Variants in PCTP observed in about 807,000 individuals in gnomAD.
The protein encoded by PCTP is phosphatidylcholine transfer protein, also known as START domain-containing protein 2.
PCTP carries 27 observed loss-of-function variants against 31.0 expected under a neutral mutation model. The ratio of observed to expected loss-of-function variants is 0.87; its 90% CI spans 0.64 to 1.20. The LOEUF (loss-of-function observed/expected upper bound fraction) is 1.20. Among genes scored for constraint, PCTP ranks in the 50% most tolerant of loss-of-function variants. The pLI, the probability that PCTP is intolerant of heterozygous loss-of-function variation, is 0.00. For missense variants in PCTP, 287 were observed against 268.2 expected, an observed-to-expected ratio of 1.07 and a Z score of -0.49; for synonymous variants, 108 against 101.2, an observed-to-expected ratio of 1.07 and a Z score of -0.40.
chr17:55,820,377 T>C (rs1169243863), intron 3 of PCTP, among the ~76,000 whole-genome samples: 1 of 152,286 alleles, frequency 6.6e-6, no homozygotes, highest in East Asian at 1.9e-4. Context: ...ACATTCAATA[T>C]CAAGGCACTA....
intron 1 of PCTP, chr17:55,751,447 G>T (rs936530491): frequency 6.5e-7 from 1 of 1,533,610 alleles, no homozygotes; most frequent in Non-Finnish European, 8.7e-7. Flanking sequence ...AGATCCAGGG[G>T]AGTTGGAAGG....
At chr17:55,846,597 T>C (rs892371140), downstream of PCTP, among the ~76,000 whole-genome samples, 11 of 152,224 alleles carry the variant, frequency 7.2e-5, no homozygotes, top group Admixed American at 4.6e-4. Context: ...GTACATCATG[T>C]GTAAGAACCA....
At chr17:55,756,575 T>C (rs1674559650) in intron 1 of PCTP, among the ~76,000 whole-genome samples, 1 of 152,202 alleles carries the variant, frequency 6.6e-6, no homozygotes, top group Admixed American at 6.5e-5. Context: ...TTAACTGGTC[T>C]AGGGTGGGGC....
intron 3 of PCTP, among the ~76,000 whole-genome samples, chr17:55,808,583 A>G (rs901286674): frequency 1.3e-5 from 2 of 152,212 alleles, no homozygotes; most frequent in African/African-American, 2.4e-5. Flanking sequence ...TGGCAAAACA[A>G]GGGTCACATC....
At chr17:55,826,231 G>A (rs1905390637), downstream of PCTP, among the ~76,000 whole-genome samples, 1 of 152,182 alleles carries the variant, frequency 6.6e-6, no homozygotes, top group Non-Finnish European at 1.5e-5. Flanking sequence ...AAAGGGCAGA[G>A]TTCAAGAACA....
At chr17:55,756,491 C>T (rs555978174) in intron 1 of PCTP, among the ~76,000 whole-genome samples, 3 of 152,152 alleles carry the variant, frequency 2.0e-5, no homozygotes, top group African/African-American at 7.2e-5. Flanking sequence ...GAGTGTTTCT[C>T]AAAGTTCAAG....
Position 55,774,822 on chromosome 17 carries a change from G to A in PCTP, c.542G>A (p.Gly181Asp), listed in dbSNP as rs771910955. 8 of 1,545,612 alleles carry A rather than the reference G, an allele frequency of 5.2e-6. No homozygotes were observed. The highest frequency in any genetic ancestry group is 2.2e-5 in the South Asian group (2 of 90,200). The change falls in exon 5 of 6, where the codon GGC (glycine) becomes GAC (aspartate). Residue 181 changes from glycine (G) to aspartate (D), a missense_variant. Gly to Asp is a moderately conservative substitution (Grantham distance 94). Coordinates refer to ENST00000268896, the MANE Select transcript of PCTP (RefSeq NM_021213.4). ...VFMYYFDNPG[G>D]QIPSWLINWA... ...ATGTATTACTTCGATAACCCGGGTG[G>A]CCAAATTCCGTCCTGGCTCATTAAC...
At position 55,776,618 on chromosome 17, in the gene PCTP, G is replaced by C; in HGVS notation, c.*518G>C. The C allele has an allele frequency of 8.1e-7, 1 of 1,230,634 alleles. No individual in the cohort carries two copies. Among genetic ancestry groups the C allele is most frequent in the Non-Finnish European group, 1.0e-6 (1 of 987,848 alleles). The allele number at this position is 1,230,634 out of a possible 1,614,324, so 76.2% of individuals were successfully genotyped here. A position where few individuals can be genotyped will look rare whatever the true frequency, so the allele number is the denominator to read the frequency against. On this transcript the variant is annotated 3_prime_UTR_variant, in exon 6 of 6. Coordinates refer to ENST00000268896, the MANE Select transcript of PCTP (RefSeq NM_021213.4). The stretch of plus-strand genomic sequence containing the variant: ...TTTCAGTGCACCCAAACTGGATGAC[G>C]TGCCAATGTCCATTTGCCTTATGCT...
chr17:55,844,660 G>A (rs1293585198), downstream of PCTP, among the ~76,000 whole-genome samples: 1 of 152,024 alleles, frequency 6.6e-6, no homozygotes, highest in Non-Finnish European at 1.5e-5. Flanking sequence ...CACCGACATA[G>A]AATCTAATCC....
chr17:55,779,769 G>A (rs145203471), downstream of PCTP, among the ~76,000 whole-genome samples: 8 of 152,266 alleles, frequency 5.3e-5, no homozygotes, highest in East Asian at 1.9e-4. Context: ...CTATTACTTT[G>A]AATCCTCTCC....
downstream of PCTP, among the ~76,000 whole-genome samples, chr17:55,824,451 T>A (rs1905331579): frequency 6.6e-6 from 1 of 152,200 alleles, no homozygotes; most frequent in Non-Finnish European, 1.5e-5. Context: ...TCAAATTAAT[T>A]AGTGCATGTC....
At chr17:55,777,940 A>G (rs1366991843), downstream of PCTP, among the ~76,000 whole-genome samples, 2 of 152,222 alleles carry the variant, frequency 1.3e-5, no homozygotes, top group Non-Finnish European at 2.9e-5. Context: ...CACTGAGATT[A>G]TAGTCACTGA....
chr17:55,784,894 T>A (rs1236830644), intron 2 of PCTP, among the ~76,000 whole-genome samples: 1 of 152,262 alleles, frequency 6.6e-6, no homozygotes, highest in East Asian at 1.9e-4. Flanking sequence ...TAGTCTTTTA[T>A]CTGTTCCTCA....
intron 5 of PCTP, 115 bp downstream of exon 5, chr17:55,774,974 G>T (rs569045346): frequency 8.6e-7 from 1 of 1,165,782 alleles, no homozygotes; most frequent in Non-Finnish European, 1.3e-6. Flanking sequence ...GCGTAATGAG[G>T]CTCTTTTATG....
intron 1 of PCTP, among the ~76,000 whole-genome samples, chr17:55,764,663 C>T (rs1910541250): frequency 6.6e-6 from 1 of 152,098 alleles, no homozygotes. Context: ...ATGTATTTAT[C>T]CCTAGGTTAT....
At chr17:55,849,816 T>A in the PCTP span, among the ~76,000 whole-genome samples, 4 of 151,980 alleles carry the variant, frequency 2.6e-5, no homozygotes, top group Admixed American at 1.3e-4. Flanking sequence ...ATTCAAAAAT[T>A]CAAAAAATTT....
chr17:55,827,693 G>A (rs980508742), downstream of PCTP, among the ~76,000 whole-genome samples: 3 of 152,190 alleles, frequency 2.0e-5, no homozygotes, highest in Non-Finnish European at 4.4e-5. Flanking sequence ...GGGGTTAGAG[G>A]GGTTAGAGCA....
At chr17:55,839,907 G>A (rs967822973) in intron 5 of PCTP, among the ~76,000 whole-genome samples, 3 of 92,054 alleles carry the variant, frequency 3.3e-5, no homozygotes, top group East Asian at 3.2e-4. Flanking sequence ...GCGACAGAGC[G>A]AGACTCAGTC....
intron 3 of PCTP, among the ~76,000 whole-genome samples, chr17:55,822,600 T>C (rs1454116): frequency 0.21 from 32,450 of 152,050 alleles, 4,078 homozygotes; most frequent in African/African-American, 0.36. Context: ...AATTTAAGAA[T>C]ATACTCTTTC....
Sources: gnomAD v4.1 joint callset for allele counts (sites outside exome capture counted in the v4.1 genomes callset) on GRCh38, gnomAD v4.1.1 for gene constraint, MANE v1.5 for transcripts, NCBI Gene and HGNC (gene_info 2026-07-23, HGNC 2026-07-21) for gene names.